The following DMD variants were observed in gnomAD, a reference collection of about 807,000 sequenced individuals.
DMD encodes the protein mutant dystrophin.
Under a neutral mutation model 330.1 loss-of-function variants are expected in DMD, and 63 were observed. The observed-to-expected ratio is 0.19, with a 90% CI of 0.16 to 0.24. DMD has a LOEUF of 0.24. Ranked by LOEUF, DMD falls within the 10% of genes least tolerant of loss-of-function variation. DMD has a pLI of 1.00. For missense variants in DMD, 3,344 were observed against 2,684.1 expected, an observed-to-expected ratio of 1.25 and a Z score of -5.43; for synonymous variants, 1,223 against 959.8, an observed-to-expected ratio of 1.27 and a Z score of -5.07.
intron 1 of DMD, among the ~76,000 whole-genome samples, chrX:33,132,763 C>T (rs1354432912): frequency 2.7e-5 from 3 of 112,366 alleles, no homozygotes; most frequent in Middle Eastern, 9.2e-3. Context: ...AATTCCAGTT[C>T]TCCTATGTAC....
chrX:32,228,402 T>C lies in DMD; in HGVS notation c.6291-11339A>G, dbSNP rs187373683. On this transcript the variant is annotated intron_variant, in intron 43 of 78. Coordinates refer to ENST00000357033, the MANE Select transcript of DMD (RefSeq NM_004006.3). ...CCTGCACTGCTTCTGAAAAAATATGTAGGATTATGCTAATATTAACCTAAA... is the reference window on the plus strand; with the variant it reads ...CCTGCACTGCTTCTGAAAAAATATGCAGGATTATGCTAATATTAACCTAAA... 1.8e-3 allele frequency among the ~76,000 whole-genome samples: 204 copies of C among 111,570 alleles called. 1 individual carries two copies. The highest frequency in any genetic ancestry group is 6.5e-3 in the African/African-American group (200 of 30,798).
chrX:32,551,052 A>G (rs1406458264), intron 16 of DMD, among the ~76,000 whole-genome samples: 2 of 111,302 alleles, frequency 1.8e-5, no homozygotes, highest in Non-Finnish European at 3.8e-5. Flanking sequence ...GAATACTAAC[A>G]GATATAGAAG....
rs61354466 is a variant in DMD, at chrX:32,464,358, A to G, written c.3276+228T>C. Among the ~76,000 whole-genome samples the G allele has an allele frequency of 0.061, 6,720 of 110,062 alleles. 557 individuals carry two copies. The highest frequency in any genetic ancestry group is 0.21 in the African/African-American group (6,361 of 30,023). On this transcript the variant is annotated intron_variant, in intron 24 of 78. Transcript: ENST00000357033. Reference sequence around the variant, plus strand: ...GTTCCTTGTTCTGGAGGAATGTTCTATGGACTGTACGATATTTAGCAGCAT... The same window carrying G: ...GTTCCTTGTTCTGGAGGAATGTTCTGTGGACTGTACGATATTTAGCAGCAT...
intron 43 of DMD, among the ~76,000 whole-genome samples, chrX:32,241,344 G>C (rs778766480): frequency 2.7e-5 from 3 of 112,516 alleles, no homozygotes; most frequent in East Asian, 5.6e-4. Flanking sequence ...TCAAGCAAGA[G>C]AACAGATGCA....
chrX:31,398,808 G>A (rs958440607), intron 60 of DMD, among the ~76,000 whole-genome samples: 2 of 111,632 alleles, frequency 1.8e-5, no homozygotes, highest in Non-Finnish European at 3.8e-5. Context: ...GTATACCACT[G>A]TGCCTCACTG....
At chrX:32,460,563 C>T (rs566226691) in intron 25 of DMD, among the ~76,000 whole-genome samples, 1 of 111,112 alleles carries the variant, frequency 9.0e-6, no homozygotes, top group African/African-American at 3.3e-5. Flanking sequence ...CTGTGGCTTC[C>T]ATATTCCTTT....
intron 54 of DMD, among the ~76,000 whole-genome samples, chrX:31,656,871 A>G (rs16989767): frequency 0.021 from 2,354 of 111,270 alleles, 64 homozygotes; most frequent in African/African-American, 0.072. Context: ...TTTTCCATCT[A>G]TACACCTACT....
chrX:32,076,012 C>T (rs2096342369), intron 44 of DMD, among the ~76,000 whole-genome samples: 1 of 86,077 alleles, frequency 1.2e-5, no homozygotes, highest in Admixed American at 1.6e-4. Flanking sequence ...CATGCCATTG[C>T]ACTGCACTCC....
chrX:31,457,882 T>A (rs2066287285), intron 59 of DMD, among the ~76,000 whole-genome samples: 2 of 111,851 alleles, frequency 1.8e-5, no homozygotes, highest in South Asian at 7.4e-4. Context: ...AATACAAATT[T>A]TTAAGAGCAG....
chrX:31,470,834 A>T (rs2149214811), intron 59 of DMD, among the ~76,000 whole-genome samples: 1 of 112,251 alleles, frequency 8.9e-6, no homozygotes, highest in East Asian at 2.8e-4. Flanking sequence ...CCTTTCTTTC[A>T]GAGATGCCCT....
chrX:32,420,175 A>G (rs905975140), intron 29 of DMD, among the ~76,000 whole-genome samples: 2 of 111,930 alleles, frequency 1.8e-5, no homozygotes, highest in African/African-American at 3.2e-5. Flanking sequence ...TTGACTGCAC[A>G]TGTGTTCATA....
chrX:32,348,417 T>C lies in DMD; in HGVS notation c.5437A>G (p.Asn1813Asp). 1 of 1,208,685 alleles carries C rather than the reference T, an allele frequency of 8.3e-7. No individual in the cohort carries two copies. Among genetic ancestry groups the C allele is most frequent in the Non-Finnish European group, 1.1e-6 (1 of 893,249 alleles). The stretch of plus-strand genomic sequence containing the variant: ...CACAACCAATTTACCATATCTTTAT[T>C]GAAGTCTTCCTCTTTCAGATTCACC... ...QGVNLKEEDF[N>D]KDMNEDNEGT... The change falls in exon 38 of 79, where the codon AAT (asparagine) becomes GAT (aspartate). Residue 1813 changes from asparagine to aspartate, a missense_variant. Coordinates refer to ENST00000357033, the MANE Select transcript of DMD (RefSeq NM_004006.3).
intron 47 of DMD, among the ~76,000 whole-genome samples, chrX:31,883,793 T>C (rs1473697638): frequency 9.0e-6 from 1 of 111,406 alleles, no homozygotes; most frequent in East Asian, 2.8e-4. Flanking sequence ...TTTGATTTTG[T>C]ATGCATATTT....
intron 44 of DMD, among the ~76,000 whole-genome samples, chrX:32,101,782 G>A (rs2096540762): frequency 9.0e-6 from 1 of 111,196 alleles, no homozygotes; most frequent in Non-Finnish European, 1.9e-5. Flanking sequence ...GTTTAAATGT[G>A]TCCCCCAAAT....
At chrX:32,397,544 T>C (rs1170293333) in intron 30 of DMD, among the ~76,000 whole-genome samples, 1 of 111,880 alleles carries the variant, frequency 8.9e-6, no homozygotes, top group Non-Finnish European at 1.9e-5. Flanking sequence ...CATTCCATTA[T>C]AAAAAAGGCA....
chrX:33,234,025 C>T (rs1424465606), intron 1 of DMD, among the ~76,000 whole-genome samples: 1 of 111,307 alleles, frequency 9.0e-6, no homozygotes. Context: ...CTCAAGCTTG[C>T]TTAGCTTGTG....
chrX:32,602,370 T>C (rs1489322876), intron 12 of DMD, among the ~76,000 whole-genome samples: 4 of 111,399 alleles, frequency 3.6e-5, no homozygotes. Flanking sequence ...TAAAAACCAA[T>C]AACATTGAAT....
chrX:31,760,883 C>A lies in DMD; in HGVS notation c.7542+13077G>T, dbSNP rs776926928. ...AATATAAAACATTGTTAACTACAAG[C>A]CCTAGGCTGTACAGATTTGTAGGAC... On this transcript the variant is annotated intron_variant, in intron 51 of 78. Coordinates refer to ENST00000357033, the MANE Select transcript of DMD (RefSeq NM_004006.3). Among the ~76,000 whole-genome samples the A allele has an allele frequency of 4.5e-5, 5 of 110,336 alleles. No individual in the cohort carries two copies. The South Asian group carries it at 1.9e-3, about 43-fold the overall frequency.
At chrX:32,079,624 A>C (rs2178536) in intron 44 of DMD, among the ~76,000 whole-genome samples, 21,267 of 109,475 alleles carry the variant, frequency 0.19, 1,728 homozygotes, top group African/African-American at 0.28. Flanking sequence ...AAAGAAAGAA[A>C]AAGAAAAAGA....
Sources: gnomAD v4.1 joint callset for allele counts (sites outside exome capture counted in the v4.1 genomes callset) on GRCh38, gnomAD v4.1.1 for gene constraint, MANE v1.5 for transcripts, NCBI Gene and HGNC (gene_info 2026-07-23, HGNC 2026-07-21) for gene names.